TBXAS1: variants seen among roughly 807,000 people sequenced by gnomAD.
TBXAS1 encodes the protein thromboxane A synthase 1.
In TBXAS1, 48 loss-of-function variants were observed where a neutral mutation model predicts 60.7. The observed-to-expected ratio is 0.79, with a 90% CI of 0.63 to 1.01. The LOEUF is 1.01. Among genes scored for constraint, TBXAS1 ranks in the 50% least tolerant of loss-of-function variants. The pLI is 0.00. For missense variants in TBXAS1, 685 were observed against 686.3 expected (o/e 1.00, Z 0.02); for synonymous variants, 287 against 269.7 (o/e 1.06, Z -0.63).
chr7:139,952,736 A>T, intron 5 of TBXAS1: 1 of 1,477,564 alleles, frequency 6.8e-7, no homozygotes, highest in South Asian at 1.4e-5. Flanking sequence ...ATTAAAAAAA[A>T]GAAACCCAAC....
intron 4 of TBXAS1, among the ~76,000 whole-genome samples, chr7:139,809,618 C>A (rs1170720437): frequency 6.6e-6 from 1 of 152,178 alleles, no homozygotes; most frequent in Non-Finnish European, 1.5e-5. Context: ...CAGTCCGAGG[C>A]TGAAGGCTTG....
At chr7:139,912,461 C>A (rs1254991114) in intron 4 of TBXAS1, among the ~76,000 whole-genome samples, 1 of 152,168 alleles carries the variant, frequency 6.6e-6, no homozygotes, top group African/African-American at 2.4e-5. Context: ...TCCAATTAGA[C>A]CTCACTTTTC....
intron 4 of TBXAS1, among the ~76,000 whole-genome samples, chr7:139,820,877 A>T (rs776531679): frequency 3.8e-4 from 58 of 152,298 alleles, no homozygotes; most frequent in Non-Finnish European, 6.8e-4. Flanking sequence ...AGATGGCTGC[A>T]ATCTAATGAG....
chr7:139,820,485 T>C (rs1352387944), intron 4 of TBXAS1, among the ~76,000 whole-genome samples: 1 of 152,190 alleles, frequency 6.6e-6, no homozygotes, highest in Admixed American at 6.5e-5. Flanking sequence ...TCCCCTGCTG[T>C]GTGATGGGGG....
At position 140,019,866 on chromosome 7, in the gene TBXAS1, G is replaced by A. The variant is rs8192866; in HGVS notation, c.1528-159G>A. ...TGAGATGGGGAGGATCAGCAGGGAC[G>A]GCTGGAGTCACTGAAAGATAGGTTT... On this transcript the variant is annotated intron_variant, in intron 12 of 12. Coordinates refer to ENST00000448866, the MANE Select transcript of TBXAS1 (RefSeq NM_001061.7). Among the ~76,000 whole-genome samples the A allele has an allele frequency of 3.2e-3, 489 of 152,324 alleles. 3 individuals are homozygous for A. The East Asian group carries it at 0.039, about 12-fold the overall frequency.
chr7:139,878,624 C>T (rs1021247257), intron 3 of TBXAS1, among the ~76,000 whole-genome samples: 10 of 152,108 alleles, frequency 6.6e-5, no homozygotes, highest in Non-Finnish European at 1.2e-4. Context: ...CAATCTAAAT[C>T]GAATGTCTTT....
chr7:139,952,242 T>A (rs964307469), intron 5 of TBXAS1, among the ~76,000 whole-genome samples: 1 of 152,196 alleles, frequency 6.6e-6, no homozygotes, highest in East Asian at 1.9e-4. Context: ...GCCTCAAGAC[T>A]TTAAGAGGAA....
intron 5 of TBXAS1, among the ~76,000 whole-genome samples, chr7:139,943,188 C>T (rs1808427222): frequency 6.6e-6 from 1 of 152,228 alleles, no homozygotes; most frequent in East Asian, 1.9e-4. Flanking sequence ...CTTAATCCTC[C>T]TGAACAATAA....
intron 9 of TBXAS1, among the ~76,000 whole-genome samples, chr7:139,995,513 G>T (rs999252160): frequency 2.6e-5 from 4 of 152,146 alleles, no homozygotes; most frequent in Non-Finnish European, 4.4e-5. Context: ...TGCTGCATCA[G>T]ACCGGTCCAG....
chr7:139,858,967 C>T (rs1196943526), intron 1 of TBXAS1, among the ~76,000 whole-genome samples: 1 of 152,140 alleles, frequency 6.6e-6, no homozygotes, highest in Non-Finnish European at 1.5e-5. Context: ...CTCCTGGGTT[C>T]AAGTGACTCA....
chr7:139,926,643 A>G (rs966710309), intron 4 of TBXAS1, among the ~76,000 whole-genome samples: 40 of 149,974 alleles, frequency 2.7e-4, no homozygotes, highest in African/African-American at 8.9e-4. Context: ...TTCTGCTGTG[A>G]TCTTTATTCT....
At chr7:140,007,747 G>A (rs962517708) in intron 10 of TBXAS1, among the ~76,000 whole-genome samples, 2 of 152,086 alleles carry the variant, frequency 1.3e-5, no homozygotes. Flanking sequence ...TCTGTGTTGG[G>A]CTTGCCTCAC....
chr7:139,781,389 G>T (rs982551017), intron 2 of TBXAS1, among the ~76,000 whole-genome samples: 2 of 152,156 alleles, frequency 1.3e-5, no homozygotes, highest in Non-Finnish European at 2.9e-5. Context: ...AACCTGGGGA[G>T]TACCAGTATT....
In TBXAS1 at chr7:139,872,345, A is replaced by G. The variant is rs1262264622; in HGVS notation, c.183+17A>G. ...TTCCGCCAGGTAAGGGCTGTCTTCC[A>G]TTGGCTTCCATCATAAAATATGCTG... is the stretch of plus-strand genomic sequence containing the variant. On this transcript the variant is annotated intron_variant, in intron 2 of 12. Coordinates refer to ENST00000448866, the MANE Select transcript of TBXAS1 (RefSeq NM_001061.7). The G allele has an allele frequency of 6.2e-7, 1 of 1,610,302 alleles. No homozygotes were observed. Among genetic ancestry groups the G allele is most frequent in the East Asian group, 2.2e-5 (1 of 44,808 alleles).
intron 4 of TBXAS1, among the ~76,000 whole-genome samples, chr7:139,823,078 G>A (rs1340221223): frequency 3.3e-5 from 5 of 151,382 alleles, no homozygotes; most frequent in African/African-American, 7.3e-5. Flanking sequence ...TGCTCCCTCC[G>A]ACAAGCACAT....
Position 140,015,797 on chromosome 7 carries a change from C to T in TBXAS1, c.1301C>T (p.Ala434Val), listed in dbSNP as rs1021649967. The change falls in exon 11 of 13, where the codon GCC becomes GTC. Residue 434 changes from alanine to valine, a missense_variant. Physicochemically the swap from Ala to Val is moderately conservative, Grantham distance 64. Transcript: ENST00000448866. Reference sequence around the variant, plus strand: ...CCCGCAGGCGCTGTGCTAGAGATGGCCGTGGGTGCCCTGCACCATGACCCT... The same window carrying T: ...CCCGCAGGCGCTGTGCTAGAGATGGTCGTGGGTGCCCTGCACCATGACCCT... ...RIPAGAVLEM[A>V]VGALHHDPEH... The T allele has an allele frequency of 1.9e-6, 3 of 1,613,686 alleles. No homozygotes were observed. Among genetic ancestry groups the T allele is most frequent in the Non-Finnish European group, 2.5e-6 (3 of 1,180,038 alleles).
At chr7:139,807,389 A>AT (rs377132098) in intron 4 of TBXAS1, among the ~76,000 whole-genome samples, 63 of 143,306 alleles carry the variant, frequency 4.4e-4, no homozygotes, top group South Asian at 4.5e-4. Flanking sequence ...CACCTAGTTA[A>AT]TTTTTTTTTT....
intron 1 of TBXAS1, among the ~76,000 whole-genome samples, chr7:139,780,306 G>A (rs1343933900): frequency 6.6e-6 from 1 of 152,226 alleles, no homozygotes; most frequent in East Asian, 1.9e-4. Context: ...TATGTCTGTG[G>A]AGCACATGAA....
At chr7:139,884,723 C>T (rs1802948007) in intron 3 of TBXAS1, among the ~76,000 whole-genome samples, 1 of 152,144 alleles carries the variant, frequency 6.6e-6, no homozygotes, top group Non-Finnish European at 1.5e-5. Flanking sequence ...AGTAAAGCAG[C>T]GATGAGGAGG....
Sources: gnomAD v4.1 joint callset for allele counts (sites outside exome capture counted in the v4.1 genomes callset) on GRCh38, gnomAD v4.1.1 for gene constraint, MANE v1.5 for transcripts, NCBI Gene and HGNC (gene_info 2026-07-23, HGNC 2026-07-21) for gene names.